The following SLC17A5 variants were observed in gnomAD, a reference collection of about 807,000 sequenced individuals.
SLC17A5 encodes sialin.
A neutral mutation model predicts 59.4 loss-of-function variants in SLC17A5; 47 were observed. The observed-to-expected ratio is 0.79, with a 90% confidence interval of 0.63 to 1.01. The LOEUF (loss-of-function observed/expected upper bound fraction) is 1.01, where lower values mean the gene tolerates loss of function less well. SLC17A5 is among the 50% of genes least tolerant of loss of function. The probability of loss-of-function intolerance (pLI) is 0.00; values close to 1 mark genes in which losing one functional copy is unlikely to be tolerated. For missense variants in SLC17A5, 522 were observed against 595.5 expected (o/e 0.88, Z 1.28); for synonymous variants, 202 against 210.7 (o/e 0.96, Z 0.36).
At chr6:73,598,714 C>T (rs1000064604) in intron 10 of SLC17A5, among the ~76,000 whole-genome samples, 1 of 151,194 alleles carries the variant, frequency 6.6e-6, no homozygotes, top group Non-Finnish European at 1.5e-5. Context: ...TTTATTTGGC[C>T]GGGTGCAGTG....
chr6:73,653,838 T>G lies in SLC17A5; in HGVS notation c.49A>C (p.Thr17Pro). The G allele has an allele frequency of 6.2e-7, 1 of 1,605,758 alleles. No individual in the cohort carries two copies. The highest frequency in any genetic ancestry group is 1.7e-5 in the Admixed American group (1 of 59,324). Residue 17 changes from threonine (T) to proline (P), a missense_variant, in exon 1 of 11, where the codon ACG becomes CCG. By Grantham distance (38) the Thr-to-Pro change is conservative (BLOSUM62 -1). Transcript: ENST00000355773. ...DLARNDGEES[T>P]DRTPLLPGAP... ...CCCGGTAGAAGAGGCGTGCGGTCCG[T>G]GCTCTCCTCGCCATCGTTCCGGGCC...
At chr6:73,600,537 C>G in intron 9 of SLC17A5, 96 bp from the exon 10 acceptor site, 4 of 956,800 alleles carry the variant, frequency 4.2e-6, no homozygotes, top group Non-Finnish European at 6.3e-6. Flanking sequence ...GAGACAGAGT[C>G]TCACTCTGTG....
In SLC17A5 at chr6:73,627,079, AT is replaced by A. The variant is rs59361120; in HGVS notation, c.820-5118del. On this transcript the variant is annotated intron_variant, in intron 6 of 10. Coordinates refer to ENST00000355773, the MANE Select transcript of SLC17A5 (RefSeq NM_012434.5). ...GAGCCACCACGCCTGGCCAGAACTA[AT>A]TTTTTTTTTTTTCTTGAGACGGAGT... is the stretch of plus-strand genomic sequence containing the variant. 2.9e-3 allele frequency among the ~76,000 whole-genome samples: 408 copies of A among 139,268 alleles called. 2 individuals are homozygous for A. The highest frequency in any genetic ancestry group is 4.9e-3 in the Non-Finnish European group (314 of 64,042). 91.4% of individuals were successfully genotyped at this position (139,268 alleles called of 152,430 possible). A position where few individuals can be genotyped will look rare whatever the true frequency, so the allele number is the denominator to read the frequency against.
At chr6:73,601,384 C>G (rs1366264520) in intron 9 of SLC17A5, among the ~76,000 whole-genome samples, 1 of 135,788 alleles carries the variant, frequency 7.4e-6, no homozygotes, top group Admixed American at 7.6e-5. Flanking sequence ...CGTCTCCGCC[C>G]GGCAGCCGCC....
intron 2 of SLC17A5, 67 bp from the exon 3 acceptor site, chr6:73,641,991 T>C: frequency 3.7e-6 from 5 of 1,337,308 alleles, no homozygotes; most frequent in South Asian, 2.3e-5. Context: ...TTTCTCTTAC[T>C]GGCATGTAAG....
In SLC17A5 at chr6:73,594,991, G is replaced by T; in HGVS notation, c.*86C>A. 2 of 1,409,216 alleles carry T rather than the reference G, an allele frequency of 1.4e-6. No individual in the cohort carries two copies. The highest frequency in any genetic ancestry group is 1.2e-5 in the South Asian group (1 of 85,044). The allele number at this position is 1,409,216 out of a possible 1,614,324, so 87.3% of individuals were successfully genotyped here. A position where few individuals can be genotyped will look rare whatever the true frequency, so the allele number is the denominator to read the frequency against. ...ACAAGTACAATTAAAAAAAGACATA[G>T]AATGCTTACACAATACAGAAGGCAC... On this transcript the variant is annotated 3_prime_UTR_variant, in exon 11 of 11. Transcript: ENST00000355773.
chr6:73,617,439 T>A (rs1191426293), intron 7 of SLC17A5, among the ~76,000 whole-genome samples: 3 of 152,222 alleles, frequency 2.0e-5, no homozygotes, highest in South Asian at 2.1e-4. Context: ...TAAAAAAGAA[T>A]AAGCTGTAGT....
intron 2 of SLC17A5, 42 bp from the exon 3 acceptor site, chr6:73,641,966 T>C: frequency 1.3e-6 from 2 of 1,509,716 alleles, no homozygotes; most frequent in Non-Finnish European, 1.8e-6. Context: ...TTTAAGACCT[T>C]CACAGAGCAG....
chr6:73,606,192 G>A (rs1471517610), intron 9 of SLC17A5, among the ~76,000 whole-genome samples: 2 of 151,840 alleles, frequency 1.3e-5, no homozygotes, highest in South Asian at 4.2e-4. Flanking sequence ...ATAGTCGCCC[G>A]CCACCACACC....
At chr6:73,618,659 T>G in intron 7 of SLC17A5, 1 of 331,964 alleles carries the variant, frequency 3.0e-6, no homozygotes, top group Non-Finnish European at 5.8e-6. Flanking sequence ...GATAAAAGAT[T>G]TAAAAAAATG....
chr6:73,618,698 A>G, intron 7 of SLC17A5: 1 of 253,908 alleles, frequency 3.9e-6, no homozygotes, highest in Non-Finnish European at 7.8e-6. Flanking sequence ...CTTTCACTTG[A>G]ATACTTGCAG....
chr6:73,600,208 C>A, intron 10 of SLC17A5, 143 bp downstream of exon 10: 1 of 700,552 alleles, frequency 1.4e-6, no homozygotes, highest in East Asian at 2.7e-5. Context: ...ACTTTCCCAT[C>A]CATTAAGGCA....
At chr6:73,605,141 A>G (rs1767335857) in intron 9 of SLC17A5, among the ~76,000 whole-genome samples, 1 of 152,210 alleles carries the variant, frequency 6.6e-6, no homozygotes, top group Admixed American at 6.5e-5. Flanking sequence ...CACTGCACCC[A>G]GCTGGATTAT....
intron 7 of SLC17A5, among the ~76,000 whole-genome samples, chr6:73,620,357 A>C (rs1768084875): frequency 6.6e-6 from 1 of 152,192 alleles, no homozygotes; most frequent in South Asian, 2.1e-4. Context: ...CTTTTTTAAA[A>C]ATCAGCCCCA....
intron 9 of SLC17A5, among the ~76,000 whole-genome samples, chr6:73,601,302 C>T (rs1428673837): frequency 7.0e-6 from 1 of 143,250 alleles, no homozygotes; most frequent in Non-Finnish European, 1.6e-5. Context: ...AGCCCCTCCG[C>T]CCGGCAGCCG....
In SLC17A5 at chr6:73,596,097, C is replaced by T. The variant is rs556785226; in HGVS notation, c.1351-883G>A. ...ATGGTACTACAGGTGTGAGCCACCA[C>T]GCCTGGCCTGGATTTGTGCATTTAA... On this transcript the variant is annotated intron_variant, in intron 10 of 10. Coordinates refer to ENST00000355773, the MANE Select transcript of SLC17A5 (RefSeq NM_012434.5). Among the ~76,000 whole-genome samples the T allele has an allele frequency of 5.2e-4, 79 of 151,974 alleles. No individual in the cohort carries two copies. In the South Asian group the frequency reaches 0.013, roughly 26 times the overall value.
At chr6:73,639,430 A>G (rs746252077) in intron 3 of SLC17A5, among the ~76,000 whole-genome samples, 19 of 152,236 alleles carry the variant, frequency 1.2e-4, no homozygotes, top group Middle Eastern at 3.2e-3. Flanking sequence ...AACAAAAGGA[A>G]TTAAAAAAAA....
intron 1 of SLC17A5, among the ~76,000 whole-genome samples, chr6:73,644,884 C>A (rs576538489): frequency 1.6e-3 from 240 of 152,214 alleles, no homozygotes; most frequent in Admixed American, 2.8e-3. Context: ...TTAGATTAAG[C>A]AAATCTAAGA....
chr6:73,607,815 C>T (rs1429219274), intron 9 of SLC17A5, among the ~76,000 whole-genome samples: 3 of 134,126 alleles, frequency 2.2e-5, no homozygotes, highest in Admixed American at 8.4e-5. Context: ...CTCACTTTGT[C>T]ACCCAGGCTG....
Sources: allele counts gnomAD v4.1 joint callset (sites outside exome capture counted in the v4.1 genomes callset), GRCh38; gene constraint gnomAD v4.1.1; transcripts MANE v1.5; gene names NCBI Gene and HGNC (gene_info 2026-07-23, HGNC 2026-07-21).